FMC1: variants seen among roughly 807,000 people sequenced by gnomAD.
The protein encoded by FMC1 is formation of mitochondrial complex V assembly factor 1.
A neutral mutation model predicts 10.5 loss-of-function variants in FMC1; 6 were observed. The observed-to-expected ratio is 0.57, with a 90% CI of 0.31 to 1.12. The LOEUF is 1.12. Among genes scored for constraint, FMC1 ranks in the 50% most tolerant of loss-of-function variants. The pLI, the probability that FMC1 is intolerant of heterozygous loss-of-function variation, is 0.05. For synonymous variants in FMC1, 59 were observed against 62.1 expected, an observed-to-expected ratio of 0.95 and a Z score of 0.24; for missense variants, 146 against 151.7, an observed-to-expected ratio of 0.96 and a Z score of 0.20.
upstream of FMC1, chr7:139,341,275 A>C: frequency 3.4e-6 from 5 of 1,484,326 alleles, no homozygotes; most frequent in Admixed American, 2.1e-5. Context: ...GTCAGTCGAT[A>C]GGGGGAGTCG....
intron 1 of FMC1, among the ~76,000 whole-genome samples, chr7:139,344,479 CAT>C (rs1354511341): frequency 6.6e-6 from 1 of 152,090 alleles, no homozygotes; most frequent in Non-Finnish European, 1.5e-5. Context: ...AATGACAAAA[CAT>C]ATGTTTGGTA....
chr7:139,344,524 A>AT (rs1445966583), intron 1 of FMC1, among the ~76,000 whole-genome samples: 1 of 152,018 alleles, frequency 6.6e-6, no homozygotes, highest in Non-Finnish European at 1.5e-5. Context: ...TTTTCTGAGT[A>AT]TTTTTTATCA....
chr7:139,341,719 G>A (rs6965212), intron 1 of FMC1, among the ~76,000 whole-genome samples, 197 bp downstream of exon 1: 7 of 151,724 alleles, frequency 4.6e-5, no homozygotes, highest in Non-Finnish European at 1.0e-4. Flanking sequence ...GGACCAGCGG[G>A]GGGGGGCGCA....
chr7:139,341,124 T>C (rs557225099), upstream of FMC1: 106 of 404,444 alleles, frequency 2.6e-4, no homozygotes, highest in African/African-American at 2.0e-3. Context: ...GAAAAGCCCC[T>C]GTTTCCCCAA....
Position 139,341,404 on chromosome 7 carries a change from C to G in FMC1, c.20C>G (p.Pro7Arg), listed in dbSNP as rs752049299. The change falls in exon 1 of 2, where the codon CCG (proline) becomes CGG (arginine). Residue 7 changes from proline (P) to arginine (R), a missense_variant. Transcript: ENST00000297534. MAALGS[P>R]SHTFRGLLRE... ...AGGACAATGGCGGCCTTAGGGTCCC[C>G]GTCGCACACTTTTCGAGGACTTCTG... The G allele has an allele frequency of 6.2e-7, 1 of 1,613,278 alleles. No homozygotes were observed. The highest frequency in any genetic ancestry group is 8.5e-7 in the Non-Finnish European group (1 of 1,179,880).
chr7:139,341,645 C>T (rs977152425), intron 1 of FMC1, 123 bp downstream of exon 1: 2 of 1,462,216 alleles, frequency 1.4e-6, no homozygotes, highest in African/African-American at 2.8e-5. Flanking sequence ...CCACGGAGCC[C>T]TGGTTCTGAC....
At chr7:139,340,905 C>G (rs1798915410), upstream of FMC1, among the ~76,000 whole-genome samples, 1 of 151,914 alleles carries the variant, frequency 6.6e-6, no homozygotes, top group Non-Finnish European at 1.5e-5. Context: ...AGAATCTGCA[C>G]ACACCCATGT....
At chr7:139,342,457 G>A (rs1447122872) in intron 1 of FMC1, among the ~76,000 whole-genome samples, 1 of 152,138 alleles carries the variant, frequency 6.6e-6, no homozygotes, top group Non-Finnish European at 1.5e-5. Flanking sequence ...CTAAGGTGTG[G>A]TGGGTGAAGT....
intron 1 of FMC1, among the ~76,000 whole-genome samples, chr7:139,344,272 C>T (rs896369144): frequency 6.6e-6 from 1 of 152,090 alleles, no homozygotes. Flanking sequence ...ACTGTGGGGA[C>T]TGGTTCCAGG....
chr7:139,340,483 C>G (rs994717671), upstream of FMC1: 1 of 398,450 alleles, frequency 2.5e-6, no homozygotes, highest in African/African-American at 2.1e-5. Flanking sequence ...TGCGCGCGCC[C>G]GTTCAACGTC....
chr7:139,343,195 G>A (rs948294773), intron 1 of FMC1, among the ~76,000 whole-genome samples: 3 of 152,074 alleles, frequency 2.0e-5, no homozygotes, highest in Non-Finnish European at 4.4e-5. Flanking sequence ...CACAAATTTG[G>A]GCTTATATAT....
At chr7:139,343,437 C>A (rs1184085672) in intron 1 of FMC1, among the ~76,000 whole-genome samples, 6 of 152,104 alleles carry the variant, frequency 3.9e-5, no homozygotes, top group Non-Finnish European at 5.9e-5. Context: ...ATTATCCAGG[C>A]GTGATGGCCC....
chr7:139,342,256 C>T (rs577493460), intron 1 of FMC1, among the ~76,000 whole-genome samples: 5 of 152,078 alleles, frequency 3.3e-5, no homozygotes, highest in Non-Finnish European at 7.3e-5. Flanking sequence ...TAAATAAGTG[C>T]TCAAGGTGTA....
intron 1 of FMC1, among the ~76,000 whole-genome samples, chr7:139,343,530 T>C (rs1799104005): frequency 1.3e-5 from 2 of 152,188 alleles, no homozygotes; most frequent in South Asian, 4.1e-4. Context: ...CAGTGAGCCA[T>C]GTTCATACCA....
rs755639282 is a variant in FMC1 at position 139,345,516 on chromosome 7, T to C, written c.154T>C (p.Leu52=). The C allele has an allele frequency of 4.3e-6, 7 of 1,614,200 alleles. No homozygotes were observed. Among genetic ancestry groups the C allele is most frequent in the South Asian group, 1.1e-5 (1 of 91,084 alleles). Residue 52 remains leucine (L), a synonymous_variant, in exon 2 of 2, where the codon TTG becomes CTG. Coordinates refer to ENST00000297534, the MANE Select transcript of FMC1 (RefSeq NM_197964.5). ...FRAHRVTSEK[L]CRAQHELHFQ... Reference sequence around the variant, plus strand: ...GCTTCTCTAGGTCACCAGTGAAAAGTTGTGCAGAGCCCAACATGAGCTTCA... The same window carrying C: ...GCTTCTCTAGGTCACCAGTGAAAAGCTGTGCAGAGCCCAACATGAGCTTCA...
At chr7:139,342,213 C>T in intron 1 of FMC1, among the ~76,000 whole-genome samples, 1 of 152,076 alleles carries the variant, frequency 6.6e-6, no homozygotes, top group Non-Finnish European at 1.5e-5. Flanking sequence ...ACTTGCTGCC[C>T]ACCTAAGGAG....
At chr7:139,341,301 G>C (rs559317376), upstream of FMC1, 1 of 1,527,680 alleles carries the variant, frequency 6.5e-7, no homozygotes, top group African/African-American at 1.4e-5. Context: ...CTGTCCGACC[G>C]TACCATTAGG....
intron 1 of FMC1, among the ~76,000 whole-genome samples, chr7:139,343,291 G>A (rs1799093234): frequency 6.6e-6 from 1 of 152,214 alleles, no homozygotes; most frequent in Admixed American, 6.5e-5. Context: ...AGTTAAATTT[G>A]TATTAAAGCA....
chr7:139,344,350 T>C (rs1338834324), intron 1 of FMC1, among the ~76,000 whole-genome samples: 1 of 152,184 alleles, frequency 6.6e-6, no homozygotes, highest in Non-Finnish European at 1.5e-5. Flanking sequence ...TAAAATGCTG[T>C]AGTATTTGCA....
Sources: allele counts gnomAD v4.1 joint callset (sites outside exome capture counted in the v4.1 genomes callset), GRCh38; gene constraint gnomAD v4.1.1; transcripts MANE v1.5; gene names NCBI Gene and HGNC (gene_info 2026-07-23, HGNC 2026-07-21).